RUBCNL: variants seen among roughly 807,000 people sequenced by gnomAD.
RUBCNL encodes rubicon like autophagy enhancer.
A neutral mutation model predicts 69.5 loss-of-function variants in RUBCNL; 62 were observed. The observed-to-expected ratio is 0.89, with a 90% CI of 0.73 to 1.10. The LOEUF is 1.10. RUBCNL is among the 50% of genes least tolerant of loss of function. The pLI, the probability that RUBCNL is intolerant of heterozygous loss-of-function variation, is 0.00. For synonymous variants in RUBCNL, 291 were observed against 303.6 expected, an observed-to-expected ratio of 0.96 and a Z score of 0.43; for missense variants, 768 against 798.1, an observed-to-expected ratio of 0.96 and a Z score of 0.45.
chr13:46,356,604 T>A, intron 9 of RUBCNL, 108 bp from the exon 10 acceptor site: 1 of 825,932 alleles, frequency 1.2e-6, no homozygotes, highest in Non-Finnish European at 1.9e-6. Flanking sequence ...CTAAGGGCCT[T>A]AACTTTGTCA....
At chr13:46,350,722 G>A (rs367816982) in intron 10 of RUBCNL, 9 of 200,368 alleles carry the variant, frequency 4.5e-5, no homozygotes, top group Admixed American at 1.1e-4. Flanking sequence ...GGCAGGTTAG[G>A]CTAACTATTC....
chr13:46,358,883 A>G (rs576007628), intron 9 of RUBCNL, among the ~76,000 whole-genome samples: 1 of 152,240 alleles, frequency 6.6e-6, no homozygotes, highest in African/African-American at 2.4e-5. Flanking sequence ...TTTCTTAACT[A>G]TAAGTGCTTT....
rs1260987328 is a variant in RUBCNL at position 46,339,247 on chromosome 13, T to A, written c.*4138A>T. Among the ~76,000 whole-genome samples the A allele has an allele frequency of 6.6e-6, 1 of 152,134 alleles. No homozygotes were observed. The highest frequency in any genetic ancestry group is 1.5e-5 in the Non-Finnish European group (1 of 68,024). Reference sequence around the variant, plus strand: ...CTCAGCATTACTCATAAAAGTATTGTTTTAGTTTCTAGTGAAGTGAAAAAG... The same window carrying A: ...CTCAGCATTACTCATAAAAGTATTGATTTAGTTTCTAGTGAAGTGAAAAAG... On this transcript the variant is annotated 3_prime_UTR_variant, in exon 15 of 15. Transcript: ENST00000429979.
intron 10 of RUBCNL, among the ~76,000 whole-genome samples, chr13:46,354,358 G>A (rs935464443): frequency 1.3e-5 from 2 of 152,196 alleles, no homozygotes; most frequent in African/African-American, 2.4e-5. Context: ...AGCAGTAGAG[G>A]AAGCTGGGTG....
intron 9 of RUBCNL, among the ~76,000 whole-genome samples, chr13:46,356,913 G>A (rs1207553106): frequency 6.8e-6 from 1 of 146,942 alleles, no homozygotes; most frequent in African/African-American, 2.5e-5. Flanking sequence ...TTTTTTGGTA[G>A]AGATAGGGTC....
rs1418677633 is a variant in RUBCNL, at chr13:46,340,264, A to G, written c.*3121T>C. Among the ~76,000 whole-genome samples, 1 of 152,178 alleles carries G rather than the reference A, an allele frequency of 6.6e-6. No individual in the cohort carries two copies. The highest frequency in any genetic ancestry group is 1.5e-5 in the Non-Finnish European group (1 of 68,042). On this transcript the variant is annotated 3_prime_UTR_variant, in exon 15 of 15. Coordinates refer to ENST00000429979, the MANE Select transcript of RUBCNL (RefSeq NM_025113.5). ...GCATAGACCTTTAACATATTCTTTC[A>G]TGGGACACAATTCAACCCACAACAG...
At position 46,337,435 on chromosome 13, in the gene RUBCNL, G is replaced by A. The variant is rs1476525925; in HGVS notation, c.*5950C>T. Reference sequence around the variant, plus strand: ...CTTTGGGAGTGCTGGGATTACAAGTGTGAGCCACCGTGCCTGGTCCGCTCT... The same window carrying A: ...CTTTGGGAGTGCTGGGATTACAAGTATGAGCCACCGTGCCTGGTCCGCTCT... On this transcript the variant is annotated 3_prime_UTR_variant, in exon 15 of 15. Transcript: ENST00000429979. 6.6e-6 allele frequency among the ~76,000 whole-genome samples: 1 copy of A among 152,124 alleles called. No homozygotes were observed. The highest frequency in any genetic ancestry group is 1.5e-5 in the Non-Finnish European group (1 of 68,020).
At position 46,378,007 on chromosome 13, in the gene RUBCNL, T is replaced by C. The variant is rs920684434; in HGVS notation, c.-238-2A>G. Reference sequence around the variant, plus strand: ...CAATATCCCCATTTTTTATTTTATCTGTAAGGCAAAAAACAATTTGCCAGA... The same window carrying C: ...CAATATCCCCATTTTTTATTTTATCCGTAAGGCAAAAAACAATTTGCCAGA... On this transcript the variant is annotated splice_acceptor_variant, in intron 1 of 14. Transcript: ENST00000429979. LOFTEE classifies it low-confidence loss of function (5UTR_SPLICE). The C allele has an allele frequency of 7.2e-6, 11 of 1,520,424 alleles. No homozygotes were observed. Among genetic ancestry groups the C allele is most frequent in the African/African-American group, 2.8e-5 (2 of 72,006 alleles). 94.2% of individuals were successfully genotyped at this position (1,520,424 alleles called of 1,614,324 possible).
intron 9 of RUBCNL, among the ~76,000 whole-genome samples, chr13:46,359,141 A>T (rs1008725244): frequency 5.3e-5 from 8 of 152,106 alleles, no homozygotes; most frequent in South Asian, 2.1e-4. Context: ...AACACATTTT[A>T]AAAAATTATT....
At chr13:46,375,712 CTTG>C in intron 2 of RUBCNL, among the ~76,000 whole-genome samples, 1 of 152,114 alleles carries the variant, frequency 6.6e-6, no homozygotes, top group Non-Finnish European at 1.5e-5. Flanking sequence ...GAAAACTGTT[CTTG>C]AGACTTTGAG....
At chr13:46,352,361 G>A (rs1381564561) in intron 10 of RUBCNL, among the ~76,000 whole-genome samples, 5 of 152,134 alleles carry the variant, frequency 3.3e-5, no homozygotes, top group South Asian at 2.1e-4. Context: ...AGTCATGTAC[G>A]TCTTTGTAAC....
At chr13:46,385,343 CAGGAA>C in intron 1 of RUBCNL, 5 of 753,082 alleles carry the variant, frequency 6.6e-6, no homozygotes, top group Non-Finnish European at 8.1e-6. Flanking sequence ...AATTGGGTAT[CAGGAA>C]GATACACAAT....
intron 10 of RUBCNL, chr13:46,350,675 G>A: frequency 3.9e-6 from 1 of 258,982 alleles, no homozygotes; most frequent in South Asian, 7.1e-5. Context: ...AAATCTGGGT[G>A]GGAGTCCAGA....
chr13:46,362,937 T>TAG (rs1491204760), intron 6 of RUBCNL, among the ~76,000 whole-genome samples, 178 bp downstream of exon 6: 2 of 47,312 alleles, frequency 4.2e-5, no homozygotes, highest in African/African-American at 2.2e-4. Context: ...TATATATATA[T>TAG]AGATATATAT....
At chr13:46,383,900 G>T (rs553183236) in intron 1 of RUBCNL, among the ~76,000 whole-genome samples, 1 of 152,194 alleles carries the variant, frequency 6.6e-6, no homozygotes, top group Non-Finnish European at 1.5e-5. Context: ...GACCCAGGAG[G>T]CCCAGGCTAA....
intron 1 of RUBCNL, among the ~76,000 whole-genome samples, chr13:46,384,231 TAAC>T (rs1445708296): frequency 6.6e-6 from 1 of 152,230 alleles, no homozygotes; most frequent in African/African-American, 2.4e-5. Context: ...TCCCTTCACT[TAAC>T]AAACTTAAAA....
At chr13:46,367,908 G>C (rs919766413) in intron 5 of RUBCNL, 134 bp downstream of exon 5, 1 of 808,854 alleles carries the variant, frequency 1.2e-6, no homozygotes, top group African/African-American at 1.7e-5. Flanking sequence ...AGTGTATATA[G>C]AGTTTGGTAC....
intron 12 of RUBCNL, among the ~76,000 whole-genome samples, chr13:46,346,573 A>G (rs2048250633): frequency 6.6e-6 from 1 of 152,148 alleles, no homozygotes; most frequent in African/African-American, 2.4e-5. Context: ...GATATTCAAG[A>G]TTTTTTGTAC....
chr13:46,385,170 C>T (rs2049210603), intron 1 of RUBCNL: 1 of 474,352 alleles, frequency 2.1e-6, no homozygotes, highest in Non-Finnish European at 2.8e-6. Context: ...TACACAATGT[C>T]CTATGAAGGT....
Sources: allele counts gnomAD v4.1 joint callset (sites outside exome capture counted in the v4.1 genomes callset), GRCh38; gene constraint gnomAD v4.1.1; transcripts MANE v1.5; gene names NCBI Gene and HGNC (gene_info 2026-07-23, HGNC 2026-07-21).